The following SMCO2 variants were observed in gnomAD, a reference collection of about 807,000 sequenced individuals.
SMCO2 encodes the protein single-pass membrane protein with coiled-coil domains 2.
In SMCO2, 25 loss-of-function variants were observed where a neutral mutation model predicts 29.5. The ratio of observed to expected loss-of-function variants is 0.85; its 90% CI spans 0.62 to 1.18. The LOEUF is 1.18. Ranked by LOEUF, SMCO2 falls within the 50% of genes most tolerant of loss-of-function variation. The pLI is 0.00. For missense variants in SMCO2, 348 were observed against 344.5 expected, an observed-to-expected ratio of 1.01 and a Z score of -0.08; for synonymous variants, 117 against 123.3, an observed-to-expected ratio of 0.95 and a Z score of 0.34.
chr12:27,488,665 C>T, intron 5 of SMCO2, 118 bp downstream of exon 6: 1 of 640,574 alleles, frequency 1.6e-6, no homozygotes, highest in South Asian at 4.5e-5. Flanking sequence ...CAGGAGTGCT[C>T]TCTGGTGGTC....
At chr12:27,492,690 TG>T (rs1942935297) in intron 5 of SMCO2, among the ~76,000 whole-genome samples, 1 of 152,170 alleles carries the variant, frequency 6.6e-6, no homozygotes, top group African/African-American at 2.4e-5. Context: ...TAACAGATGT[TG>T]GCCAGGTTGT....
At chr12:27,456,247 T>G in the SMCO2 span, among the ~76,000 whole-genome samples, 96,535 of 151,992 alleles carry the variant, frequency 0.64, 30,868 homozygotes, top group Middle Eastern at 0.73. Context: ...AAGTATTGGA[T>G]TATATAAAAG....
chr12:27,463,186 T>A (rs921527925), upstream of SMCO2, among the ~76,000 whole-genome samples: 1 of 152,214 alleles, frequency 6.6e-6, no homozygotes, highest in Non-Finnish European at 1.5e-5. Flanking sequence ...ATGCCCTGTG[T>A]TTGTGGGTGC....
chr12:27,501,511 G>A (rs1943078061), intron 7 of SMCO2, among the ~76,000 whole-genome samples: 1 of 149,102 alleles, frequency 6.7e-6, no homozygotes, highest in Non-Finnish European at 1.5e-5. Flanking sequence ...ACAAAAACTA[G>A]GGGCAAAGAG....
At chr12:27,490,751 G>A (rs541000388) in intron 5 of SMCO2, among the ~76,000 whole-genome samples, 8 of 152,146 alleles carry the variant, frequency 5.3e-5, no homozygotes, top group South Asian at 2.1e-4. Flanking sequence ...GCAACATAGC[G>A]AGACCCCTAT....
intron 5 of SMCO2, 116 bp downstream of exon 6, chr12:27,488,663 C>A: frequency 3.0e-6 from 2 of 676,114 alleles, no homozygotes; most frequent in Non-Finnish European, 4.5e-6. Context: ...AGCAGGAGTG[C>A]TCTCTGGTGG....
intron 6 of SMCO2, 131 bp downstream of exon 7, chr12:27,494,487 TTTATTATTA>T (rs60980302): frequency 0.049 from 8,577 of 176,366 alleles, 279 homozygotes; most frequent in East Asian, 0.15. Flanking sequence ...TTTAATTTAA[TTTATTATTA>T]TTATTATTAT....
At chr12:27,453,851 A>C in the SMCO2 span, among the ~76,000 whole-genome samples, 1 of 152,238 alleles carries the variant, frequency 6.6e-6, no homozygotes, top group African/African-American at 2.4e-5. Context: ...AAGACTTGCC[A>C]AACTTATTGC....
the SMCO2 span, among the ~76,000 whole-genome samples, chr12:27,434,529 G>T: frequency 6.6e-6 from 1 of 152,168 alleles, no homozygotes; most frequent in East Asian, 1.9e-4. Flanking sequence ...TAGCAAAATT[G>T]AGTACAGAAG....
At chr12:27,451,827 C>G in the SMCO2 span, among the ~76,000 whole-genome samples, 6 of 152,280 alleles carry the variant, frequency 3.9e-5, no homozygotes, top group African/African-American at 1.4e-4. Flanking sequence ...CGTGCATATT[C>G]CTGGTTCCAT....
At position 27,501,950 on chromosome 12, in the gene SMCO2, G is replaced by C. The variant is rs371485954; in HGVS notation, c.711G>C (p.Met237Ile). The C allele has an allele frequency of 3.5e-5, 54 of 1,543,600 alleles. 1 individual carries two copies. The highest frequency in any genetic ancestry group is 9.8e-5 in the African/African-American group (7 of 71,096). The change falls in exon 8 of 8, where the codon ATG becomes ATC. Residue 237 changes from methionine to isoleucine, a missense_variant. Coordinates refer to ENST00000298876, the Ensembl canonical transcript of SMCO2. ...AACGTGCACTGAGGATTTTCATCATGTTTGATGTCCTCACCGTCACTGGAC... is the reference window on the plus strand; with the variant it reads ...AACGTGCACTGAGGATTTTCATCATCTTTGATGTCCTCACCGTCACTGGAC...
chr12:27,468,472 C>G (rs1565673252), intron 1 of SMCO2, among the ~76,000 whole-genome samples: 1 of 152,220 alleles, frequency 6.6e-6, no homozygotes, highest in Non-Finnish European at 1.5e-5. Flanking sequence ...ATTTGGCCTG[C>G]TGGCCATAGT....
the SMCO2 span, among the ~76,000 whole-genome samples, chr12:27,430,230 G>A: frequency 6.6e-6 from 1 of 152,020 alleles, no homozygotes; most frequent in African/African-American, 2.4e-5. Context: ...TAATGTGATT[G>A]TCTGTTCTTT....
intron 7 of SMCO2, among the ~76,000 whole-genome samples, chr12:27,501,218 C>A (rs1240219813): frequency 2.0e-5 from 3 of 148,832 alleles, no homozygotes; most frequent in African/African-American, 7.6e-5. Flanking sequence ...AGATCGAGAC[C>A]ATCCTGGCTA....
At chr12:27,492,067 A>C (rs963151487) in intron 5 of SMCO2, among the ~76,000 whole-genome samples, 7 of 152,176 alleles carry the variant, frequency 4.6e-5, no homozygotes, top group East Asian at 1.9e-4. Context: ...AATGAAAAAT[A>C]TCCTCCTCCC....
chr12:27,475,684 T>G (rs1949579875), intron 4 of SMCO2: 5 of 1,548,954 alleles, frequency 3.2e-6, no homozygotes, highest in Non-Finnish European at 4.4e-6. Context: ...CGGAGAAAAT[T>G]GACAATATTA....
chr12:27,494,938 G>A (rs1219117733), intron 6 of SMCO2, among the ~76,000 whole-genome samples: 1 of 151,828 alleles, frequency 6.6e-6, no homozygotes, highest in South Asian at 2.1e-4. Flanking sequence ...TGCCCTTCGG[G>A]TCTACATATT....
chr12:27,463,738 A>G (rs974130223), upstream of SMCO2, among the ~76,000 whole-genome samples: 1 of 152,208 alleles, frequency 6.6e-6, no homozygotes, highest in African/African-American at 2.4e-5. Flanking sequence ...AAGCAAACAA[A>G]CAAACCAACA....
chr12:27,485,485 TG>T (rs1224070230), intron 4 of SMCO2, among the ~76,000 whole-genome samples: 8 of 150,596 alleles, frequency 5.3e-5, no homozygotes, highest in Non-Finnish European at 4.4e-5. Flanking sequence ...AGTCTCACTC[TG>T]TCACCTAGGC....
Sources: gnomAD v4.1 joint callset for allele counts (sites outside exome capture counted in the v4.1 genomes callset) on GRCh38, gnomAD v4.1.1 for gene constraint, MANE v1.5 for transcripts, NCBI Gene and HGNC (gene_info 2026-07-23, HGNC 2026-07-21) for gene names.